Variants in ITGB4 observed in about 807,000 individuals in gnomAD.
The protein encoded by ITGB4 is integrin beta-4.
ITGB4 carries 159 observed loss-of-function variants against 207.6 expected under a neutral mutation model. That is an observed-to-expected ratio of 0.77 (90% CI 0.67 to 0.87). ITGB4 has a LOEUF of 0.87. Among genes scored for constraint, ITGB4 ranks in the 40% least tolerant of loss-of-function variants. ITGB4 has a pLI of 0.00. For synonymous variants in ITGB4, 1,020 were observed against 1,062.7 expected (o/e 0.96, Z 0.78); for missense variants, 2,278 against 2,546.8 (o/e 0.89, Z 2.27).
intron 14 of ITGB4, 45 bp downstream of exon 14, chr17:75,736,199 C>G (rs1337559788): frequency 1.2e-5 from 20 of 1,606,626 alleles, no homozygotes; most frequent in Non-Finnish European, 1.7e-5. Flanking sequence ...GCACCACCCA[C>G]CCTCTCCAGA....
rs553629822 is a variant in ITGB4 at position 75,736,247 on chromosome 17, A to G, written c.1762-41A>G. 15 of 1,605,180 alleles carry G rather than the reference A, an allele frequency of 9.3e-6. No homozygotes were observed. In the Admixed American group the frequency reaches 2.5e-4, roughly 27 times the overall value. On this transcript the variant is annotated intron_variant, in intron 14 of 39. Transcript: ENST00000200181. ...GAGAGAGGAGAGGGAGCAGGCAGGG[A>G]TGGGGCACAGCTGGCTCACTGGTGC...
Position 75,754,815 on chromosome 17 carries a change from G to C in ITGB4, c.4558G>C (p.Asp1520His). Residue 1520 changes from aspartate to histidine, a missense_variant and splice_region_variant, in exon 34 of 40, where the codon GAC (aspartate) becomes CAC (histidine). Asp to His is a moderately conservative substitution (Grantham distance 81). Coordinates refer to ENST00000200181, the MANE Select transcript of ITGB4 (RefSeq NM_000213.5). ...YSTLTSVSSH[D>H]SRLTAGVPDT... ...CACCCTCACCTCCGTCTCCTCCCAC[G>C]GTGAGTGACCTCAGCCAACCCTGCC... 1 of 1,613,950 alleles carries C rather than the reference G, an allele frequency of 6.2e-7. No homozygotes were observed. Among genetic ancestry groups the C allele is most frequent in the Non-Finnish European group, 8.5e-7 (1 of 1,179,994 alleles).
At chr17:75,744,670 G>T (rs2061195192) in intron 26 of ITGB4, among the ~76,000 whole-genome samples, 1 of 152,354 alleles carries the variant, frequency 6.6e-6, no homozygotes. Flanking sequence ...TGCCATGGCT[G>T]GACCAGCATC....
In ITGB4 at chr17:75,731,378, TGTG is replaced by T; in HGVS notation, c.1215+12_1215+14del. On this transcript the variant is annotated intron_variant, in intron 10 of 39. Transcript: ENST00000200181. This position sits in a 1 kb window ranked among gnomAD's most constrained non-coding sequence, Gnocchi z 6.8. ...CCGGCGGGGGGAAGTGGTACGCCTC[TGTG>T]GGGGCAGCGGGGTGGGGGATAGGCA... 6.2e-7 allele frequency: 1 copy of T among 1,601,210 alleles called. No homozygotes were observed. The highest frequency in any genetic ancestry group is 1.3e-5 in the African/African-American group (1 of 74,694).
chr17:75,736,838 AC>A, intron 16 of ITGB4, 144 bp downstream of exon 16: 1 of 904,940 alleles, frequency 1.1e-6, no homozygotes, highest in Non-Finnish European at 1.7e-6. Flanking sequence ...GCTGGGAGGG[AC>A]CACAGAACCC....
rs749700093 is a variant in ITGB4 at position 75,722,280 on chromosome 17, T to A, written c.-11+668T>A. ...CTGCCACCTCCTGCAGCATCCGCCC[T>A]CTTTCCCATGGCTCAGCCTCTGGGG... On this transcript the variant is annotated intron_variant, in intron 1 of 39. Transcript: ENST00000200181. This position sits in a 1 kb window ranked among gnomAD's most constrained non-coding sequence, Gnocchi z 6.2. Among the ~76,000 whole-genome samples, 10 of 152,162 alleles carry A rather than the reference T, an allele frequency of 6.6e-5. No individual in the cohort carries two copies. Among genetic ancestry groups the A allele is most frequent in the Admixed American group, 2.0e-4 (3 of 15,282 alleles).
At chr17:75,754,418 C>A in intron 33 of ITGB4, 158 bp from the exon 34 acceptor site, 1 of 860,090 alleles carries the variant, frequency 1.2e-6, no homozygotes, top group Non-Finnish European at 1.8e-6. Context: ...CCTGCAGGGA[C>A]AGAGGGCCTC....
At chr17:75,748,495 C>T (rs2061284053) in intron 26 of ITGB4, among the ~76,000 whole-genome samples, 1 of 151,854 alleles carries the variant, frequency 6.6e-6, no homozygotes, top group South Asian at 2.1e-4. Flanking sequence ...CATAGTGAAA[C>T]CCCATCTCTA....
At chr17:75,747,671 C>A (rs548134119) in intron 26 of ITGB4, among the ~76,000 whole-genome samples, 12 of 152,204 alleles carry the variant, frequency 7.9e-5, no homozygotes, top group African/African-American at 2.9e-4. Context: ...GTGACACTGA[C>A]TTTTGTTAAG....
chr17:75,734,671 C>T (rs1457304301), intron 13 of ITGB4, among the ~76,000 whole-genome samples: 1 of 152,198 alleles, frequency 6.6e-6, no homozygotes, highest in Non-Finnish European at 1.5e-5. Context: ...ACTTTCCAAG[C>T]CCCTGCTTTT....
In ITGB4 at chr17:75,729,727, T is replaced by C. The variant is rs1005583437; in HGVS notation, c.738+291T>C. Among the ~76,000 whole-genome samples the C allele has an allele frequency of 6.6e-6, 1 of 152,224 alleles. No homozygotes were observed. Among genetic ancestry groups the C allele is most frequent in the Non-Finnish European group, 1.5e-5 (1 of 68,024 alleles). On this transcript the variant is annotated intron_variant, in intron 7 of 39. Coordinates refer to ENST00000200181, the MANE Select transcript of ITGB4 (RefSeq NM_000213.5). The surrounding 1 kb of genome is among the most constrained non-coding windows in gnomAD (Gnocchi z 4.4). Reference sequence around the variant, plus strand: ...GGCTTTAGCGTTCTGGAATCTTTAGTACCCTGAACCCACCAGCTGCCCAGA... The same window carrying C: ...GGCTTTAGCGTTCTGGAATCTTTAGCACCCTGAACCCACCAGCTGCCCAGA...
Position 75,757,267 on chromosome 17 carries a change from C to T in ITGB4, c.5286C>T (p.Ser1762=), listed in dbSNP as rs2061538237. The change falls in exon 39 of 40, where the codon AGC becomes AGT. Residue 1762 remains serine (S), a synonymous_variant. Transcript: ENST00000200181. The part of the protein sequence containing the change: ...FQHPLQSEYS[S]ITTTHTSATE... Reference sequence around the variant, plus strand: ...ACCCGCTGCAAAGCGAGTACAGCAGCATCACCACCACCCACACCAGCGCCA... The same window carrying T: ...ACCCGCTGCAAAGCGAGTACAGCAGTATCACCACCACCCACACCAGCGCCA... 4 of 1,611,230 alleles carry T rather than the reference C, an allele frequency of 2.5e-6. No individual in the cohort carries two copies. The highest frequency in any genetic ancestry group is 4.5e-5 in the East Asian group (2 of 44,878).
At chr17:75,749,434 G>A (rs1050485643) in intron 27 of ITGB4, among the ~76,000 whole-genome samples, 9 of 152,118 alleles carry the variant, frequency 5.9e-5, no homozygotes, top group Non-Finnish European at 1.0e-4. Flanking sequence ...AGACTGAGGT[G>A]GGAGGATCAC....
At position 75,742,583 on chromosome 17, in the gene ITGB4, C is replaced by T. The variant is rs201900480; in HGVS notation, c.2784C>T (p.Asp928=). 8.9e-5 allele frequency: 143 copies of T among 1,613,914 alleles called. No homozygotes were observed. The highest frequency in any genetic ancestry group is 1.6e-4 in the Middle Eastern group (1 of 6,062). Residue 928 remains aspartate (D), a splice_region_variant and synonymous_variant, in exon 25 of 40, where the codon GAC becomes GAT. Coordinates refer to ENST00000200181, the MANE Select transcript of ITGB4 (RefSeq NM_000213.5). This position sits in a 1 kb window ranked among gnomAD's most constrained non-coding sequence, Gnocchi z 5.9. ...PGYYTLTADQ[D]ARGMVEFQEG... is the part of the protein sequence containing the mutation. ...GACCACCTCCGAACCCCCACCCAGACGCCCGGGGCATGGTGGAGTTCCAGG... is the reference window on the plus strand; with the variant it reads ...GACCACCTCCGAACCCCCACCCAGATGCCCGGGGCATGGTGGAGTTCCAGG...
At position 75,739,768 on chromosome 17, in the gene ITGB4, G is replaced by C; in HGVS notation, c.2254+63G>C. 1 of 1,611,898 alleles carries C rather than the reference G, an allele frequency of 6.2e-7. No individual in the cohort carries two copies. Among genetic ancestry groups the C allele is most frequent in the South Asian group, 1.1e-5 (1 of 91,048 alleles). ...ACTGCTCTTTCTCTGAGCTGGGGTG[G>C]AGGGAAGCTGAACCTGGAACGGCAG... On this transcript the variant is annotated intron_variant, in intron 19 of 39. Coordinates refer to ENST00000200181, the MANE Select transcript of ITGB4 (RefSeq NM_000213.5). The surrounding 1 kb of genome is among the most constrained non-coding windows in gnomAD (Gnocchi z 5.4).
intron 2 of ITGB4, among the ~76,000 whole-genome samples, chr17:75,725,201 G>A (rs886290668): frequency 6.6e-6 from 1 of 152,246 alleles, no homozygotes; most frequent in Non-Finnish European, 1.5e-5. Flanking sequence ...GTCTGTTAGA[G>A]GGGGTCCTGC....
rs2148463210 is a variant in ITGB4, at chr17:75,727,503, G to C, written c.262G>C (p.Glu88Gln). 1 of 1,613,624 alleles carries C rather than the reference G, an allele frequency of 6.2e-7. No individual in the cohort carries two copies. Residue 88 changes from glutamate to glutamine, a missense_variant and splice_region_variant, in exon 4 of 40, where the codon GAG becomes CAG. Physicochemically the swap from Glu to Gln is conservative, Grantham distance 29. Transcript: ENST00000200181. This position sits in a 1 kb window ranked among gnomAD's most constrained non-coding sequence, Gnocchi z 6.0. Reference sequence around the variant, plus strand: ...CATGGAGAGCAGCTTCCAAATCACAGAGGTGCCTGGTGTGGGGACTGGGGT... The same window carrying C: ...CATGGAGAGCAGCTTCCAAATCACACAGGTGCCTGGTGTGGGGACTGGGGT... ...VVMESSFQIT[E>Q]ETQIDTTLRR...
Position 75,739,868 on chromosome 17 carries a change from C to T in ITGB4, c.2255-12C>T, listed in dbSNP as rs1294726109. ...TAGGGAGGGGTGCCGTGCTGAGGAC[C>T]CCATCCTGCAGGTCACATGGTGGGC... On this transcript the variant is annotated splice_polypyrimidine_tract_variant and intron_variant, in intron 19 of 39. Transcript: ENST00000200181. This position sits in a 1 kb window ranked among gnomAD's most constrained non-coding sequence, Gnocchi z 5.4. The T allele has an allele frequency of 1.2e-6, 2 of 1,613,530 alleles. No individual in the cohort carries two copies. The highest frequency in any genetic ancestry group is 8.5e-7 in the Non-Finnish European group (1 of 1,179,972).
chr17:75,723,259 C>T (rs2060652547), intron 1 of ITGB4, among the ~76,000 whole-genome samples: 1 of 152,162 alleles, frequency 6.6e-6, no homozygotes, highest in Admixed American at 6.5e-5. Context: ...CCGCCGGGCT[C>T]CTGTGCTGAG....
Sources: allele counts gnomAD v4.1 joint callset (sites outside exome capture counted in the v4.1 genomes callset), GRCh38; gene constraint gnomAD v4.1.1; non-coding constraint Gnocchi (gnomAD v3.1); transcripts MANE v1.5; gene names NCBI Gene and HGNC (gene_info 2026-07-23, HGNC 2026-07-21).